The following TYW1 variants were observed in gnomAD, a reference collection of about 807,000 sequenced individuals.
TYW1 encodes the protein tRNA-yW synthesizing protein 1 homolog.
Under a neutral mutation model 96.2 loss-of-function variants are expected in TYW1, and 46 were observed. That is an observed-to-expected ratio of 0.48 (90% confidence interval 0.38 to 0.61). TYW1 has a LOEUF of 0.61. Ranked by LOEUF, TYW1 falls within the 20% of genes least tolerant of loss-of-function variation. The pLI, the probability that TYW1 is intolerant of heterozygous loss-of-function variation, is 0.00. For synonymous variants in TYW1, 274 were observed against 323.0 expected (o/e 0.85, Z 1.63); for missense variants, 684 against 909.6 (o/e 0.75, Z 3.19).
At chr7:67,212,259 C>A (rs1264728670) in intron 15 of TYW1, among the ~76,000 whole-genome samples, 3 of 115,026 alleles carry the variant, frequency 2.6e-5, no homozygotes, top group African/African-American at 1.0e-4. Flanking sequence ...TTTTTTTTAA[C>A]CTTTTTTTTT....
chr7:67,090,057 T>C (rs528211429), intron 11 of TYW1, among the ~76,000 whole-genome samples: 1 of 152,338 alleles, frequency 6.6e-6, no homozygotes, highest in East Asian at 1.9e-4. Context: ...CATTTATTGC[T>C]AGGTGTTTTT....
At chr7:67,208,689 CA>C (rs10623787) in intron 15 of TYW1, among the ~76,000 whole-genome samples, 396 of 76,194 alleles carry the variant, frequency 5.2e-3, no homozygotes, top group African/African-American at 9.4e-3. Context: ...GACGCTGTCT[CA>C]AAAAAAAAAA....
chr7:67,203,396 G>T (rs1441989132), intron 15 of TYW1, among the ~76,000 whole-genome samples: 1 of 152,118 alleles, frequency 6.6e-6, no homozygotes, highest in African/African-American at 2.4e-5. Flanking sequence ...ATCTATTTTA[G>T]AATTCCATTT....
intron 7 of TYW1, among the ~76,000 whole-genome samples, chr7:67,047,327 T>G (rs566579494): frequency 1.3e-5 from 2 of 152,290 alleles, no homozygotes; most frequent in South Asian, 4.1e-4. Context: ...GCCCAGGAGT[T>G]TGAGACCAGC....
chr7:67,083,302 A>G (rs13309200), intron 10 of TYW1, 128 bp from the exon 11 acceptor site: 16 of 817,036 alleles, frequency 2.0e-5, no homozygotes, highest in African/African-American at 1.5e-4. Flanking sequence ...ACCACTATAC[A>G]TGGTTGAACT....
chr7:67,210,822 CT>C, intron 15 of TYW1, among the ~76,000 whole-genome samples: 1 of 82,664 alleles, frequency 1.2e-5, no homozygotes, highest in East Asian at 2.2e-4. Flanking sequence ...CAGCTAATCT[CT>C]GTCTATTCAT....
intron 14 of TYW1, among the ~76,000 whole-genome samples, chr7:67,189,496 C>T (rs1158376516): frequency 6.6e-6 from 1 of 151,410 alleles, no homozygotes; most frequent in African/African-American, 2.4e-5. Flanking sequence ...CGTGTCAGAT[C>T]TGGGGTCTCC....
chr7:67,084,027 C>G (rs1242885319), intron 11 of TYW1, among the ~76,000 whole-genome samples: 1 of 152,166 alleles, frequency 6.6e-6, no homozygotes, highest in African/African-American at 2.4e-5. Context: ...AAGAGCGAAA[C>G]TCCATCTCAG....
intron 6 of TYW1, among the ~76,000 whole-genome samples, chr7:67,021,301 A>G (rs1362258867): frequency 6.6e-6 from 1 of 152,300 alleles, no homozygotes; most frequent in East Asian, 1.9e-4. Context: ...GATCCTTTGC[A>G]GTCCGGCCCA....
At chr7:67,195,487 T>C in intron 15 of TYW1, 150 bp downstream of exon 15, 1 of 1,189,892 alleles carries the variant, frequency 8.4e-7, no homozygotes, top group African/African-American at 1.6e-5. Flanking sequence ...CACTAAATTC[T>C]GTCTGCTGGG....
At chr7:67,235,630 G>A (rs946905295) in intron 15 of TYW1, among the ~76,000 whole-genome samples, 1 of 152,100 alleles carries the variant, frequency 6.6e-6, no homozygotes, top group African/African-American at 2.4e-5. Flanking sequence ...AGTGGCTCAC[G>A]CCTGTTATCC....
intron 10 of TYW1, among the ~76,000 whole-genome samples, chr7:67,079,667 C>T (rs1302485953): frequency 6.6e-6 from 1 of 151,754 alleles, no homozygotes; most frequent in East Asian, 1.9e-4. Flanking sequence ...TTTTCTAGTT[C>T]CCTGAAGTGC....
At chr7:67,203,577 T>G (rs1205209370) in intron 15 of TYW1, among the ~76,000 whole-genome samples, 1 of 152,248 alleles carries the variant, frequency 6.6e-6, no homozygotes, top group Non-Finnish European at 1.5e-5. Flanking sequence ...TTCCCTCCCT[T>G]ACTTAGAATA....
chr7:67,192,627 A>G lies in TYW1; in HGVS notation c.1810-2543A>G, dbSNP rs1800256518. Among the ~76,000 whole-genome samples the G allele has an allele frequency of 2.0e-5, 3 of 152,192 alleles. No individual in the cohort carries two copies. The South Asian group carries it at 6.2e-4, about 31-fold the overall frequency. On this transcript the variant is annotated intron_variant, in intron 14 of 15. Transcript: ENST00000359626. ...TGGTAAGGCTAGCAGTTTTCCAGCC[A>G]TGCTTTCGTAATGATGTCTTGAACC...
intron 13 of TYW1, among the ~76,000 whole-genome samples, chr7:67,121,172 G>GT (rs1797748496): frequency 1.3e-5 from 2 of 152,064 alleles, no homozygotes; most frequent in Non-Finnish European, 2.9e-5. Context: ...AGAAAGATTT[G>GT]TTTTACTGTT....
intron 6 of TYW1, among the ~76,000 whole-genome samples, chr7:67,022,487 A>G (rs1336498624): frequency 6.6e-6 from 1 of 152,204 alleles, no homozygotes; most frequent in African/African-American, 2.4e-5. Context: ...ATGAGGTAGG[A>G]GCATAGGGCA....
chr7:67,181,753 C>G (rs560591947), intron 13 of TYW1, among the ~76,000 whole-genome samples: 1 of 152,188 alleles, frequency 6.6e-6, no homozygotes, highest in East Asian at 1.9e-4. Flanking sequence ...TTGCCATAGT[C>G]TGTTGGTTAT....
intron 15 of TYW1, among the ~76,000 whole-genome samples, chr7:67,202,516 C>G (rs1420579192): frequency 6.6e-6 from 1 of 152,082 alleles, no homozygotes; most frequent in Non-Finnish European, 1.5e-5. Context: ...CCTGCTTAAG[C>G]CTCTCGAGTA....
chr7:67,061,639 C>T (rs1317656068), intron 9 of TYW1, among the ~76,000 whole-genome samples: 1 of 152,108 alleles, frequency 6.6e-6, no homozygotes, highest in African/African-American at 2.4e-5. Context: ...CAGCCAAAGC[C>T]TTGGTGGTAT....
Sources: gnomAD v4.1 joint callset for allele counts (sites outside exome capture counted in the v4.1 genomes callset) on GRCh38, gnomAD v4.1.1 for gene constraint, MANE v1.5 for transcripts, NCBI Gene and HGNC (gene_info 2026-07-23, HGNC 2026-07-21) for gene names.